The following PAWR variants were observed in gnomAD, a reference collection of about 807,000 sequenced individuals.
PAWR encodes PRKC apoptosis WT1 regulator protein.
Under a neutral mutation model 32.0 loss-of-function variants are expected in PAWR, and 23 were observed. The observed-to-expected ratio is 0.72, with a 90% CI of 0.52 to 1.02. The LOEUF (loss-of-function observed/expected upper bound fraction) is 1.02. Among genes scored for constraint, PAWR ranks in the 50% least tolerant of loss-of-function variants. The pLI is 0.00. For missense variants in PAWR, 457 were observed against 437.7 expected, an observed-to-expected ratio of 1.04 and a Z score of -0.39; for synonymous variants, 226 against 187.1, an observed-to-expected ratio of 1.21 and a Z score of -1.70.
chr12:79,599,230 C>T (rs1403201703), intron 4 of PAWR, among the ~76,000 whole-genome samples: 2 of 152,186 alleles, frequency 1.3e-5, no homozygotes, highest in Admixed American at 1.3e-4. Flanking sequence ...CCAATGTACA[C>T]CCTAGCATCT....
In PAWR at chr12:79,604,279, T is replaced by C. The variant is rs930731415; in HGVS notation, c.684-7621A>G. ...TTAGCTACAAAGACATGAACTATAA[T>C]GCTCAGAAAAGGGAAAAGAAACAGT... On this transcript the variant is annotated intron_variant, in intron 4 of 6. Coordinates refer to ENST00000328827, the MANE Select transcript of PAWR (RefSeq NM_002583.4). 6 of 991,880 alleles carry C rather than the reference T, an allele frequency of 6.0e-6. No homozygotes were observed. In the African/African-American group the frequency reaches 8.7e-5, roughly 14 times the overall value. The allele number at this position is 991,880 out of a possible 1,614,324, so 61.4% of individuals were successfully genotyped here.
At chr12:79,671,192 C>G (rs2136852727) in intron 2 of PAWR, among the ~76,000 whole-genome samples, 1 of 150,174 alleles carries the variant, frequency 6.7e-6, no homozygotes, top group South Asian at 2.1e-4. Context: ...TCCACTACAG[C>G]CTAAAGTTGT....
chr12:79,654,539 T>C (rs974898577), intron 2 of PAWR, among the ~76,000 whole-genome samples: 4 of 152,170 alleles, frequency 2.6e-5, no homozygotes, highest in Non-Finnish European at 4.4e-5. Context: ...TAAAGCCTAG[T>C]TCTCGTAGAG....
At chr12:79,653,122 C>A (rs1876931124) in intron 2 of PAWR, among the ~76,000 whole-genome samples, 1 of 152,042 alleles carries the variant, frequency 6.6e-6, no homozygotes, top group Non-Finnish European at 1.5e-5. Flanking sequence ...CAGCTCACTG[C>A]AACCTCCACC....
Position 79,669,132 on chromosome 12 carries a change from T to C in PAWR, c.516+20597A>G, listed in dbSNP as rs545149600. On this transcript the variant is annotated intron_variant, in intron 2 of 6. Coordinates refer to ENST00000328827, the MANE Select transcript of PAWR (RefSeq NM_002583.4). ...TTCAGTCTTGGTGATATTTAAAAAA[T>C]AGCCCTAAAAGTTACTGGCATGAGC... Among the ~76,000 whole-genome samples, 15 of 152,334 alleles carry C rather than the reference T, an allele frequency of 9.8e-5. 1 individual carries two copies. The highest frequency in any genetic ancestry group is 3.1e-4 in the African/African-American group (13 of 41,574).
At chr12:79,633,691 A>G (rs899769409) in intron 2 of PAWR, among the ~76,000 whole-genome samples, 2 of 152,228 alleles carry the variant, frequency 1.3e-5, no homozygotes, top group Admixed American at 6.5e-5. Flanking sequence ...CTCAAAGAAC[A>G]TAAGAACCAA....
Position 79,587,628 on chromosome 12 carries a change from T to C in PAWR, c.*4979A>G, listed in dbSNP as rs1873422763. On this transcript the variant is annotated 3_prime_UTR_variant, in exon 7 of 7. Transcript: ENST00000328827. Reference sequence around the variant, plus strand: ...TATGATGGCTTTGAGTCTTAAATCATTGTCCACCTAAAATAATATACCAAA... The same window carrying C: ...TATGATGGCTTTGAGTCTTAAATCACTGTCCACCTAAAATAATATACCAAA... 2.0e-5 allele frequency: 3 copies of C among 152,028 alleles called. No homozygotes were observed. Among genetic ancestry groups the C allele is most frequent in the African/African-American group, 4.8e-5 (2 of 41,450 alleles). The allele number at this position is 152,028 out of a possible 1,614,324, so 9.4% of individuals were successfully genotyped here. A position where few individuals can be genotyped will look rare whatever the true frequency, so the allele number is the denominator to read the frequency against.
At chr12:79,690,849 C>G (rs1359953425) in intron 1 of PAWR, 23 bp downstream of exon 1, 1 of 152,260 alleles carries the variant, frequency 6.6e-6, no homozygotes, top group Non-Finnish European at 1.5e-5. Context: ...GTGGAAAGGA[C>G]CGGGTGTGAG....
intron 2 of PAWR, among the ~76,000 whole-genome samples, chr12:79,623,344 C>G (rs1875120892): frequency 6.6e-6 from 1 of 152,070 alleles, no homozygotes; most frequent in African/African-American, 2.4e-5. Flanking sequence ...AAATCAGACT[C>G]AAGACATTGA....
At chr12:79,678,761 T>G (rs1231432107) in intron 2 of PAWR, among the ~76,000 whole-genome samples, 1 of 152,200 alleles carries the variant, frequency 6.6e-6, no homozygotes, top group African/African-American at 2.4e-5. Context: ...CCTGTTCCCC[T>G]CTTCACTTGG....
At chr12:79,678,756 T>C (rs1878292816) in intron 2 of PAWR, among the ~76,000 whole-genome samples, 1 of 152,188 alleles carries the variant, frequency 6.6e-6, no homozygotes, top group Admixed American at 6.5e-5. Flanking sequence ...GTTACCCTGT[T>C]CCCCTCTTCA....
Position 79,690,234 on chromosome 12 carries a change from C to T in PAWR, c.11G>A (p.Gly4Asp), listed in dbSNP as rs1260697677. The change falls in exon 2 of 7, where the codon GGT (glycine) becomes GAT (aspartate). Residue 4 changes from glycine to aspartate, a missense_variant. By Grantham distance (94) the Gly-to-Asp change is moderately conservative. Transcript: ENST00000328827. MAT[G>D]GYRTSSGLGG... Reference sequence around the variant, plus strand: ...GAGGCCGCTGCTGGTCCGGTAGCCACCGGTCGCCATATTCCCAAAGGGGCC... The same window carrying T: ...GAGGCCGCTGCTGGTCCGGTAGCCATCGGTCGCCATATTCCCAAAGGGGCC... 2 of 1,514,942 alleles carry T rather than the reference C, an allele frequency of 1.3e-6. No individual in the cohort carries two copies. Among genetic ancestry groups the T allele is most frequent in the Non-Finnish European group, 1.8e-6 (2 of 1,136,250 alleles). 93.8% of individuals were successfully genotyped at this position (1,514,942 alleles called of 1,614,324 possible).
intron 3 of PAWR, among the ~76,000 whole-genome samples, chr12:79,616,273 C>A (rs568268027): frequency 2.0e-5 from 3 of 152,174 alleles, no homozygotes; most frequent in Admixed American, 2.0e-4. Flanking sequence ...TCACATCTGT[C>A]TCATTTTGGT....
intron 2 of PAWR, among the ~76,000 whole-genome samples, chr12:79,677,789 G>T (rs1432939144): frequency 6.6e-6 from 1 of 152,128 alleles, no homozygotes; most frequent in Non-Finnish European, 1.5e-5. Context: ...CCATCCTTAA[G>T]CACCTGTATT....
intron 3 of PAWR, among the ~76,000 whole-genome samples, chr12:79,615,206 A>G (rs1874668766): frequency 6.6e-6 from 1 of 152,026 alleles, no homozygotes; most frequent in Non-Finnish European, 1.5e-5. Context: ...TTGTATCTCA[A>G]TTTTTCATGT....
At chr12:79,671,124 A>T (rs199901896) in intron 2 of PAWR, among the ~76,000 whole-genome samples, 5 of 126,296 alleles carry the variant, frequency 4.0e-5, no homozygotes, top group Non-Finnish European at 8.1e-5. Flanking sequence ...CTTAGCACTT[A>T]AAAAAAAAAA....
rs139499792 is a variant in PAWR at position 79,594,334 on chromosome 12, T to G, written c.931A>C (p.Asn311His). Residue 311 changes from asparagine (N) to histidine (H), a missense_variant, in exon 6 of 7, where the codon AAT becomes CAT. Coordinates refer to ENST00000328827, the MANE Select transcript of PAWR (RefSeq NM_002583.4). ...GKLKEEIDLL[N>H]RDLDDIEDEN... ...AAATATGGTGAAATACTTACTCTAT[T>G]TAATAAATCAATTTCTTCTTTGAGT... 13 of 1,401,334 alleles carry G rather than the reference T, an allele frequency of 9.3e-6. No individual in the cohort carries two copies. The African/African-American group carries it at 1.4e-4, about 15-fold the overall frequency. The allele number at this position is 1,401,334 out of a possible 1,614,324, so 86.8% of individuals were successfully genotyped here. A position where few individuals can be genotyped will look rare whatever the true frequency, so the allele number is the denominator to read the frequency against.
Position 79,618,549 on chromosome 12 carries a change from T to G in PAWR, c.648+2527A>C, listed in dbSNP as rs148404017. ...ACAGAAATTATTCCTCCTATCTAACTGTAACTTTGCACCCATTGGCCAATG... is the reference window on the plus strand; with the variant it reads ...ACAGAAATTATTCCTCCTATCTAACGGTAACTTTGCACCCATTGGCCAATG... On this transcript the variant is annotated intron_variant, in intron 3 of 6. Transcript: ENST00000328827. Among the ~76,000 whole-genome samples, 586 of 152,326 alleles carry G rather than the reference T, an allele frequency of 3.8e-3. 3 individuals carry two copies. The highest frequency in any genetic ancestry group is 6.9e-3 in the Non-Finnish European group (466 of 68,024).
At chr12:79,672,394 T>TC (rs1208247530) in intron 2 of PAWR, among the ~76,000 whole-genome samples, 1 of 152,158 alleles carries the variant, frequency 6.6e-6, no homozygotes, top group Non-Finnish European at 1.5e-5. Context: ...TAATGTCTGT[T>TC]CCCTCCACCT....
Sources: gnomAD v4.1 joint callset for allele counts (sites outside exome capture counted in the v4.1 genomes callset) on GRCh38, gnomAD v4.1.1 for gene constraint, MANE v1.5 for transcripts, NCBI Gene and HGNC (gene_info 2026-07-23, HGNC 2026-07-21) for gene names.